SEMA3A: variants seen among roughly 807,000 people sequenced by gnomAD.
SEMA3A encodes semaphorin-3A.
Under a neutral mutation model 97.9 loss-of-function variants are expected in SEMA3A, and 29 were observed. The observed-to-expected ratio is 0.30, with a 90% confidence interval of 0.22 to 0.40. SEMA3A has a LOEUF of 0.40. SEMA3A is among the 10% of genes least tolerant of loss of function. The pLI, the probability that SEMA3A is intolerant of heterozygous loss-of-function variation, is 1.00. For missense variants in SEMA3A, 763 were observed against 951.3 expected, an observed-to-expected ratio of 0.80 and a Z score of 2.60; for synonymous variants, 321 against 323.7, an observed-to-expected ratio of 0.99 and a Z score of 0.09.
chr7:84,291,078 G>C (rs900661722), intron 3 of SEMA3A, among the ~76,000 whole-genome samples: 3 of 151,960 alleles, frequency 2.0e-5, no homozygotes, highest in African/African-American at 7.3e-5. Context: ...TGGTATCAAG[G>C]AATCAATCAT....
chr7:84,209,486 G>T (rs1465424660), intron 3 of SEMA3A, among the ~76,000 whole-genome samples: 3 of 152,112 alleles, frequency 2.0e-5, no homozygotes, highest in African/African-American at 7.2e-5. Flanking sequence ...TGAATTTCTT[G>T]GGGGCTCAGT....
chr7:84,486,249 G>A (rs996140631), intron 1 of SEMA3A, among the ~76,000 whole-genome samples: 13 of 152,098 alleles, frequency 8.5e-5, no homozygotes, highest in Non-Finnish European at 1.0e-4. Context: ...TGAGCTGGGC[G>A]TGGTGGCATG....
chr7:84,366,961 C>T (rs2116086257), intron 2 of SEMA3A, among the ~76,000 whole-genome samples: 1 of 150,390 alleles, frequency 6.6e-6, no homozygotes, highest in East Asian at 1.9e-4. Flanking sequence ...AAAGAATTTG[C>T]ATACACTAAA....
intron 4 of SEMA3A, among the ~76,000 whole-genome samples, chr7:84,060,906 T>TA (rs1238741620): frequency 6.6e-6 from 1 of 152,190 alleles, no homozygotes; most frequent in Admixed American, 6.6e-5. Context: ...GAAAGAATGT[T>TA]AAACTTAAAT....
intron 3 of SEMA3A, among the ~76,000 whole-genome samples, chr7:84,214,271 T>C (rs931223104): frequency 5.9e-5 from 9 of 152,304 alleles, no homozygotes; most frequent in South Asian, 2.1e-4. Context: ...AAAGCTCCTA[T>C]TGCATTTTTT....
chr7:84,259,823 AAAAAG>A (rs1157686428), intron 3 of SEMA3A, among the ~76,000 whole-genome samples: 7 of 151,962 alleles, frequency 4.6e-5, no homozygotes, highest in African/African-American at 1.4e-4. Context: ...ACAAAAAAAA[AAAAAG>A]AAAAGAAAGG....
intron 1 of SEMA3A, among the ~76,000 whole-genome samples, chr7:84,415,935 G>A (rs1804421074): frequency 6.6e-6 from 1 of 151,840 alleles, no homozygotes; most frequent in Admixed American, 6.6e-5. Context: ...TAGGGATACG[G>A]CACCAAAATT....
At position 83,989,011 on chromosome 7, in the gene SEMA3A, A is replaced by T. The variant is rs372320371; in HGVS notation, c.1453-3534T>A. Among the ~76,000 whole-genome samples the T allele has an allele frequency of 1.3e-4, 20 of 152,278 alleles. 1 individual carries two copies. Among genetic ancestry groups the T allele is most frequent in the African/African-American group, 4.6e-4 (19 of 41,572 alleles). ...TGTATTTAGGTTTGTACAATATTGGAATCAATAACCAAAACAGAAATTTTA... is the reference window on the plus strand; with the variant it reads ...TGTATTTAGGTTTGTACAATATTGGTATCAATAACCAAAACAGAAATTTTA... On this transcript the variant is annotated intron_variant, in intron 12 of 16. Coordinates refer to ENST00000265362, the MANE Select transcript of SEMA3A (RefSeq NM_006080.3).
Position 84,320,725 on chromosome 7 carries a change from AATT to A in SEMA3A, c.-168-13436_-168-13434del, listed in dbSNP as rs376695678. Among the ~76,000 whole-genome samples, 620 of 152,118 alleles carry A rather than the reference AATT, an allele frequency of 4.1e-3. 4 individuals are homozygous for A. Among genetic ancestry groups the A allele is most frequent in the African/African-American group, 0.014 (595 of 41,528 alleles). On this transcript the variant is annotated intron_variant, in intron 2 of 3. Coordinates refer to the SEMA3A transcript ENST00000424555. ...AAACTATGTACAATTGTTGAATTGC[AATT>A]ATTATACAATGTGGGATTGTCATGA...
At chr7:84,470,408 A>G (rs1584347714) in intron 1 of SEMA3A, among the ~76,000 whole-genome samples, 1 of 152,282 alleles carries the variant, frequency 6.6e-6, no homozygotes, top group Non-Finnish European at 1.5e-5. Flanking sequence ...GGAGACATAA[A>G]TGATTCTGTG....
At chr7:84,116,218 T>C (rs1433765418) in intron 3 of SEMA3A, among the ~76,000 whole-genome samples, 1 of 152,142 alleles carries the variant, frequency 6.6e-6, no homozygotes, top group African/African-American at 2.4e-5. Flanking sequence ...AATATTATCT[T>C]AATACATCTT....
intron 1 of SEMA3A, among the ~76,000 whole-genome samples, chr7:84,408,867 G>A (rs1238784932): frequency 6.6e-6 from 1 of 151,852 alleles, no homozygotes; most frequent in Non-Finnish European, 1.5e-5. Flanking sequence ...ACAGAGGAAG[G>A]GGAACATCAC....
chr7:84,132,582 AAATT>A (rs1477386399), intron 2 of SEMA3A, among the ~76,000 whole-genome samples: 1 of 151,786 alleles, frequency 6.6e-6, no homozygotes, highest in African/African-American at 2.4e-5. Context: ...ACAAAATGAT[AAATT>A]ATTATAAATA....
intron 3 of SEMA3A, among the ~76,000 whole-genome samples, chr7:84,128,123 C>G (rs1418884107): frequency 3.3e-5 from 5 of 152,092 alleles, no homozygotes; most frequent in Non-Finnish European, 7.4e-5. Context: ...TGGCCTCTAT[C>G]TTTTTACAAT....
At chr7:84,037,661 A>G (rs1374621231) in intron 6 of SEMA3A, among the ~76,000 whole-genome samples, 3 of 152,146 alleles carry the variant, frequency 2.0e-5, no homozygotes, top group Admixed American at 1.3e-4. Context: ...AATAAAAACC[A>G]TACTTCTAAT....
At chr7:84,463,237 CTTTTTTTTT>C (rs59465422) in intron 1 of SEMA3A, among the ~76,000 whole-genome samples, 3 of 71,350 alleles carry the variant, frequency 4.2e-5, no homozygotes, top group Admixed American at 1.3e-4. Flanking sequence ...TGTAACTATT[CTTTTTTTTT>C]TTTTTTTTTT....
rs188749255 is a variant in SEMA3A at position 84,129,123 on chromosome 7, C to A, written c.333G>T (p.Leu111=). 1.2e-6 allele frequency: 2 copies of A among 1,607,132 alleles called. No homozygotes were observed. The highest frequency in any genetic ancestry group is 1.7e-5 in the Admixed American group (1 of 59,986). ...AATAATTTAGTAGGTTAATGCTTAC[C>A]AGGATGTCTTTTCCAGCCCACTTGC... ...DECKWAGKDI[L]KECANFIKVL... The change falls in exon 3 of 17, where the codon CTG becomes CTT. Residue 111 remains leucine, a splice_region_variant and synonymous_variant. Coordinates refer to ENST00000265362, the MANE Select transcript of SEMA3A (RefSeq NM_006080.3).
chr7:84,173,345 C>T (rs1797452858), intron 1 of SEMA3A, among the ~76,000 whole-genome samples: 1 of 151,932 alleles, frequency 6.6e-6, no homozygotes, highest in Non-Finnish European at 1.5e-5. Flanking sequence ...CACCTGAGAT[C>T]AGGATTTCAA....
intron 12 of SEMA3A, among the ~76,000 whole-genome samples, chr7:83,992,912 C>T (rs548763858): frequency 1.6e-4 from 24 of 150,888 alleles, no homozygotes; most frequent in African/African-American, 5.1e-4. Context: ...AATGTTGACA[C>T]TGGGGTGTTA....
Sources: allele counts gnomAD v4.1 joint callset (sites outside exome capture counted in the v4.1 genomes callset), GRCh38; gene constraint gnomAD v4.1.1; transcripts MANE v1.5; gene names NCBI Gene and HGNC (gene_info 2026-07-23, HGNC 2026-07-21).